The following TTC3 variants were observed in gnomAD, a reference collection of about 807,000 sequenced individuals.
TTC3 encodes tetratricopeptide repeat domain 3.
A neutral mutation model predicts 249.6 loss-of-function variants in TTC3; 180 were observed. The observed-to-expected ratio is 0.72, with a 90% CI of 0.64 to 0.82. The LOEUF (loss-of-function observed/expected upper bound fraction) is 0.82. Ranked by LOEUF, TTC3 falls within the 40% of genes least tolerant of loss-of-function variation. The pLI is 0.00. For missense variants in TTC3, 2,061 were observed against 2,398.4 expected (o/e 0.86, Z 2.94); for synonymous variants, 717 against 805.0 (o/e 0.89, Z 1.85).
chr21:37,147,699 GC>G (rs1195819194), intron 22 of TTC3, 96 bp downstream of exon 22: 9 of 1,437,180 alleles, frequency 6.3e-6, no homozygotes, highest in African/African-American at 1.5e-5. Flanking sequence ...AAGTTCTCTG[GC>G]TAGTTAGCAG....
intron 15 of TTC3, among the ~76,000 whole-genome samples, chr21:37,126,822 G>A (rs951756331): frequency 2.6e-5 from 4 of 151,784 alleles, no homozygotes; most frequent in African/African-American, 4.8e-5. Context: ...AGTAGAAGGA[G>A]CAAGACAGCC....
chr21:37,136,648 A>G (rs1049102409), intron 18 of TTC3, among the ~76,000 whole-genome samples: 3 of 152,252 alleles, frequency 2.0e-5, no homozygotes, highest in Admixed American at 6.5e-5. Flanking sequence ...TCCATAACAT[A>G]AAAGTGCAAG....
At chr21:37,136,794 C>G (rs966275956) in intron 18 of TTC3, among the ~76,000 whole-genome samples, 3 of 152,186 alleles carry the variant, frequency 2.0e-5, no homozygotes, top group Admixed American at 1.3e-4. Flanking sequence ...AAGATGCCAT[C>G]TAGGACTTTC....
chr21:37,150,859 C>G, exon 25 of TTC3: 3 of 1,610,590 alleles, frequency 1.9e-6, no homozygotes, highest in Non-Finnish European at 2.5e-6. Flanking sequence ...TCCTCCAAGA[C>G]CTATTCTGAA....
chr21:37,147,708 C>G (rs2147994431), intron 22 of TTC3, 105 bp downstream of exon 22: 2 of 1,325,074 alleles, frequency 1.5e-6, no homozygotes, highest in East Asian at 5.4e-5. Context: ...GGCTAGTTAG[C>G]AGTCGTCCAC....
intron 12 of TTC3, among the ~76,000 whole-genome samples, chr21:37,122,443 A>T (rs559055557): frequency 0.15 from 18,057 of 116,990 alleles, 1,495 homozygotes; most frequent in Admixed American, 0.2. Context: ...TATATTATAT[A>T]TATATATATA....
chr21:37,198,874 C>T (rs897726414), intron 44 of TTC3, among the ~76,000 whole-genome samples: 1 of 151,520 alleles, frequency 6.6e-6, no homozygotes, highest in African/African-American at 2.4e-5. Flanking sequence ...TGTGGTTGTC[C>T]TTTTTTTCTT....
At chr21:37,146,074 T>TCATAGC in intron 21 of TTC3, among the ~76,000 whole-genome samples, 1 of 152,330 alleles carries the variant, frequency 6.6e-6, no homozygotes, top group East Asian at 1.9e-4. Flanking sequence ...ACATGAATGT[T>TCATAGC]CATAGCAGCA....
intron 14 of TTC3, 123 bp from the exon 15 acceptor site, chr21:37,125,957 G>T: frequency 2.6e-6 from 2 of 772,826 alleles, no homozygotes; most frequent in Admixed American, 3.1e-5. Flanking sequence ...ATAACCAGCT[G>T]CATATTTTAG....
In TTC3 at chr21:37,182,923, G is replaced by A. The variant is rs760505253; in HGVS notation, c.4757+10G>A. On this transcript the variant is annotated intron_variant, in intron 36 of 45. Coordinates refer to ENST00000355666, the Ensembl canonical transcript of TTC3. ...CAAATGCCAGTGAAATGTAAGTAAT[G>A]ATTGAAAGGCAGTAATTTTTATTTA... The A allele has an allele frequency of 6.5e-7, 1 of 1,537,858 alleles. No homozygotes were observed. The highest frequency in any genetic ancestry group is 8.7e-7 in the Non-Finnish European group (1 of 1,147,886).
intron 15 of TTC3, among the ~76,000 whole-genome samples, 195 bp downstream of exon 15, chr21:37,126,338 A>G (rs1257823650): frequency 6.6e-6 from 1 of 152,194 alleles, no homozygotes; most frequent in African/African-American, 2.4e-5. Context: ...AGTGAATGTA[A>G]TTTTGGAAAT....
At chr21:37,128,474 C>A (rs192251947) in intron 15 of TTC3, among the ~76,000 whole-genome samples, 7 of 152,344 alleles carry the variant, frequency 4.6e-5, no homozygotes, top group Admixed American at 2.6e-4. Flanking sequence ...AATGAACTCT[C>A]TACTCTTGAG....
At position 37,159,911 on chromosome 21, in the gene TTC3, A is replaced by C. The variant is rs148648759; in HGVS notation, c.3039+166A>C. The stretch of plus-strand genomic sequence containing the variant: ...TATTATTCATTAGAAAGTCACTGCC[A>C]GTTTTCCTCTCGGAATTGGAGCAAT... On this transcript the variant is annotated intron_variant, in intron 29 of 45. Transcript: ENST00000355666. 1.5e-3 allele frequency among the ~76,000 whole-genome samples: 223 copies of C among 152,334 alleles called. 2 individuals carry two copies. Among genetic ancestry groups the C allele is most frequent in the African/African-American group, 4.9e-3 (204 of 41,582 alleles).
At chr21:37,148,521 AT>A in intron 22 of TTC3, 24 bp from the exon 23 acceptor site, 1 of 1,450,056 alleles carries the variant, frequency 6.9e-7, no homozygotes, top group Non-Finnish European at 9.3e-7. Flanking sequence ...TAAAACGTTA[AT>A]TAAAAAATTT....
chr21:37,144,678 T>C (rs745759704), intron 21 of TTC3, 33 bp downstream of exon 21: 8 of 1,595,266 alleles, frequency 5.0e-6, no homozygotes, highest in Middle Eastern at 3.3e-4. Flanking sequence ...TGTTTCTTAC[T>C]GTGAATGCTT....
intron 20 of TTC3, among the ~76,000 whole-genome samples, chr21:37,141,055 A>G (rs1836636359): frequency 6.6e-6 from 1 of 152,218 alleles, no homozygotes; most frequent in Non-Finnish European, 1.5e-5. Flanking sequence ...GGTTTTAAAT[A>G]AGAGGTATAT....
intron 11 of TTC3, among the ~76,000 whole-genome samples, chr21:37,114,204 A>C (rs1375980225): frequency 6.6e-6 from 1 of 152,044 alleles, no homozygotes; most frequent in Non-Finnish European, 1.5e-5. Context: ...TAATTAAACT[A>C]AAGAGCTTCT....
chr21:37,188,406 A>G, intron 38 of TTC3, 89 bp from the exon 39 acceptor site: 1 of 891,278 alleles, frequency 1.1e-6, no homozygotes, highest in Non-Finnish European at 1.7e-6. Context: ...AGAAATGGGA[A>G]AGTGGTTTGA....
In TTC3 at chr21:37,132,564, C is replaced by T. The variant is rs149105435; in HGVS notation, c.1359-118C>T. 5,918 of 554,548 alleles carry T rather than the reference C, an allele frequency of 0.011. 324 individuals are homozygous for T. The Admixed American group carries it at 0.13, about 12-fold the overall frequency. 34.4% of individuals were successfully genotyped at this position (554,548 alleles called of 1,614,324 possible). The stretch of plus-strand genomic sequence containing the variant: ...CTAACCTCAGGTGATCCACCCACCT[C>T]GGCCTCCCAAAGTGCTGGGATTACA... On this transcript the variant is annotated intron_variant, in intron 16 of 45. Transcript: ENST00000355666.
Sources: allele counts gnomAD v4.1 joint callset (sites outside exome capture counted in the v4.1 genomes callset), GRCh38; gene constraint gnomAD v4.1.1; transcripts MANE v1.5; gene names NCBI Gene and HGNC (gene_info 2026-07-23, HGNC 2026-07-21).